The following AJAP1 variants were observed in gnomAD, a reference collection of about 807,000 sequenced individuals.
AJAP1 encodes the protein adherens junctions associated protein 1, also known as adherens junction-associated protein 1.
In AJAP1, 5 loss-of-function variants were observed where a neutral mutation model predicts 35.0. The observed-to-expected ratio is 0.14, with a 90% CI of 0.07 to 0.30. AJAP1 has a LOEUF of 0.30. AJAP1 is among the 10% of genes least tolerant of loss of function. The pLI is 1.00. For missense variants in AJAP1, 586 were observed against 571.0 expected (o/e 1.03, Z -0.27); for synonymous variants, 284 against 249.3 (o/e 1.14, Z -1.31).
chr1:4,708,682 A>G (rs1246176506), intron 1 of AJAP1, among the ~76,000 whole-genome samples: 1 of 152,180 alleles, frequency 6.6e-6, no homozygotes, highest in Non-Finnish European at 1.5e-5. Context: ...GGGGTCCCCA[A>G]GAGTCTCAGG....
chr1:4,669,508 A>G (rs1487888572), intron 1 of AJAP1, among the ~76,000 whole-genome samples: 1 of 152,144 alleles, frequency 6.6e-6, no homozygotes, highest in African/African-American at 2.4e-5. Context: ...TTATAAAACC[A>G]TCAGATCTCA....
chr1:4,657,164 G>A (rs1372322618), intron 1 of AJAP1, among the ~76,000 whole-genome samples: 1 of 152,214 alleles, frequency 6.6e-6, no homozygotes. Flanking sequence ...AGGGAGAGAA[G>A]AGCAAATATC....
rs1009480133 is a variant in AJAP1, at chr1:4,692,113, G to GTGGA, written c.30-19785_30-19782dup. ...TGGCATGGCGCCCGGCCGGCCCTGC[G>GTGGA]TGGATCTATTATCTCTGCATCGTTG... On this transcript the variant is annotated intron_variant, in intron 1 of 5. Transcript: ENST00000378191. The surrounding 1 kb of genome is among the most constrained non-coding windows in gnomAD (Gnocchi z 4.4). Among the ~76,000 whole-genome samples, 1 of 152,118 alleles carries GTGGA rather than the reference G, an allele frequency of 6.6e-6. No individual in the cohort carries two copies. Among genetic ancestry groups the GTGGA allele is most frequent in the Non-Finnish European group, 1.5e-5 (1 of 68,006 alleles).
intron 2 of AJAP1, among the ~76,000 whole-genome samples, chr1:4,750,136 G>A (rs1352787196): frequency 6.6e-6 from 1 of 152,112 alleles, no homozygotes; most frequent in African/African-American, 2.4e-5. Context: ...GTGTGTCTGG[G>A]GACATGTGTG....
At chr1:4,745,914 G>A (rs1048280729) in intron 2 of AJAP1, among the ~76,000 whole-genome samples, 1 of 152,162 alleles carries the variant, frequency 6.6e-6, no homozygotes, top group Non-Finnish European at 1.5e-5. Flanking sequence ...ACCAGACTGC[G>A]GGTAAACTGC....
At chr1:4,744,417 G>A (rs1641140827) in intron 2 of AJAP1, among the ~76,000 whole-genome samples, 1 of 152,210 alleles carries the variant, frequency 6.6e-6, no homozygotes, top group Non-Finnish European at 1.5e-5. Context: ...CTGTATTAGA[G>A]AGCATGTTGC....
intron 1 of AJAP1, among the ~76,000 whole-genome samples, chr1:4,688,974 C>A (rs1198925712): frequency 6.6e-6 from 1 of 152,034 alleles, no homozygotes; most frequent in Non-Finnish European, 1.5e-5. Flanking sequence ...ACAGCGGGTG[C>A]CCCTCCAGTA....
At chr1:4,689,740 A>C (rs940863853) in intron 1 of AJAP1, among the ~76,000 whole-genome samples, 1 of 152,212 alleles carries the variant, frequency 6.6e-6, no homozygotes, top group African/African-American at 2.4e-5. Context: ...CCCGCTTTCA[A>C]GCTGTAAAGC....
intron 1 of AJAP1, among the ~76,000 whole-genome samples, chr1:4,679,021 A>T (rs189765437): frequency 6.6e-6 from 1 of 152,236 alleles, no homozygotes; most frequent in East Asian, 1.9e-4. Flanking sequence ...AAACTGCACA[A>T]TCAGGTGCAC....
intron 2 of AJAP1, among the ~76,000 whole-genome samples, chr1:4,737,035 A>G (rs1640941433): frequency 1.3e-5 from 2 of 152,224 alleles, no homozygotes; most frequent in South Asian, 4.1e-4. Flanking sequence ...GAACTAGAGC[A>G]ACTCTCTGAA....
At chr1:4,677,731 A>G (rs987941529) in intron 1 of AJAP1, among the ~76,000 whole-genome samples, 17 of 125,508 alleles carry the variant, frequency 1.4e-4, no homozygotes, top group African/African-American at 4.0e-4. Flanking sequence ...CCGAATGAAA[A>G]TGATGTGCAT....
At chr1:4,701,459 C>T (rs1364849249) in intron 1 of AJAP1, among the ~76,000 whole-genome samples, 1 of 152,194 alleles carries the variant, frequency 6.6e-6, no homozygotes, top group African/African-American at 2.4e-5. Flanking sequence ...GCTGCATGGC[C>T]TGCAAGCCTC....
At chr1:4,709,640 T>C (rs1640181606) in intron 1 of AJAP1, among the ~76,000 whole-genome samples, 1 of 152,190 alleles carries the variant, frequency 6.6e-6, no homozygotes, top group African/African-American at 2.4e-5. Context: ...ACAGAGGAGC[T>C]ACCTTAGTGT....
intron 1 of AJAP1, among the ~76,000 whole-genome samples, chr1:4,664,670 C>T (rs931745658): frequency 1.3e-5 from 2 of 152,086 alleles, no homozygotes; most frequent in African/African-American, 4.8e-5. Flanking sequence ...CTGGGCTGCC[C>T]TTTGGTGGCA....
chr1:4,767,575 TCATCACCATCACCAC>T (rs1641713530), intron 2 of AJAP1, among the ~76,000 whole-genome samples: 1 of 147,534 alleles, frequency 6.8e-6, no homozygotes, highest in Non-Finnish European at 1.5e-5. Context: ...ATTATCACCA[TCATCACCATCACCAC>T]CATCACCATT....
At position 4,782,457 on chromosome 1, in the gene AJAP1, G is replaced by C. The variant is rs146853782; in HGVS notation, c.*60-88G>C. The C allele has an allele frequency of 2.0e-4, 56 of 284,654 alleles. 2 individuals carry two copies. Among genetic ancestry groups the C allele is most frequent in the African/African-American group, 1.1e-3 (53 of 46,512 alleles). The allele number at this position is 284,654 out of a possible 1,614,324, so 17.6% of individuals were successfully genotyped here. A position where few individuals can be genotyped will look rare whatever the true frequency, so the allele number is the denominator to read the frequency against. On this transcript the variant is annotated intron_variant, in intron 5 of 5. Transcript: ENST00000378191. This position sits in a 1 kb window ranked among gnomAD's most constrained non-coding sequence, Gnocchi z 5.3. ...CTCTGCATGCGGGGGTGCTGCGTGT[G>C]GGGGTCCCAGTCGACCGAGAACCCC...
At chr1:4,732,698 CT>C (rs1167865370) in intron 2 of AJAP1, among the ~76,000 whole-genome samples, 1 of 152,248 alleles carries the variant, frequency 6.6e-6, no homozygotes, top group Admixed American at 6.5e-5. Flanking sequence ...GGGTGAACCC[CT>C]GGCCCTTCCG....
At chr1:4,767,751 G>T (rs962225292) in intron 2 of AJAP1, among the ~76,000 whole-genome samples, 1 of 141,890 alleles carries the variant, frequency 7.0e-6, no homozygotes, top group Admixed American at 7.3e-5. Flanking sequence ...AGCAGCAGCA[G>T]CAACCTCCTT....
intron 1 of AJAP1, among the ~76,000 whole-genome samples, chr1:4,703,067 G>A (rs568421872): frequency 6.6e-6 from 1 of 152,282 alleles, no homozygotes; most frequent in African/African-American, 2.4e-5. Context: ...CCGGGCCTGT[G>A]ATGATGAAAG....
Sources: gnomAD v4.1 joint callset for allele counts (sites outside exome capture counted in the v4.1 genomes callset) on GRCh38, gnomAD v4.1.1 for gene constraint, Gnocchi (gnomAD v3.1) non-coding constraint, MANE v1.5 for transcripts, NCBI Gene and HGNC (gene_info 2026-07-23, HGNC 2026-07-21) for gene names.